Variants in UPRT observed in about 807,000 individuals in gnomAD.
UPRT encodes uracil phosphoribosyltransferase homolog, also known as RP11-311P8.3.
UPRT carries 5 observed loss-of-function variants against 22.6 expected under a neutral mutation model. The observed-to-expected ratio is 0.22, with a 90% CI of 0.12 to 0.47. The LOEUF (loss-of-function observed/expected upper bound fraction) is 0.47, where lower values mean the gene tolerates loss of function less well. Ranked by LOEUF, UPRT falls within the 20% of genes least tolerant of loss-of-function variation. UPRT has a pLI of 0.99. For synonymous variants in UPRT, 77 were observed against 87.7 expected (o/e 0.88, Z 0.68); for missense variants, 181 against 239.9 (o/e 0.75, Z 1.62).
intron 4 of UPRT, among the ~76,000 whole-genome samples, chrX:75,203,198 G>T (rs2082352140): frequency 9.0e-6 from 1 of 111,378 alleles, no homozygotes; most frequent in East Asian, 2.8e-4. Context: ...AAAAGACAAA[G>T]AAGGGCCTTA....
At chrX:75,286,361 A>G (rs1455020694) in intron 1 of UPRT, among the ~76,000 whole-genome samples, 1 of 110,391 alleles carries the variant, frequency 9.1e-6, no homozygotes, top group Non-Finnish European at 1.9e-5. Flanking sequence ...CCTATGCCCA[A>G]CTACAACACC....
chrX:75,184,485 T>G (rs2082282096), intron 4 of UPRT, among the ~76,000 whole-genome samples: 1 of 105,288 alleles, frequency 9.5e-6, no homozygotes, highest in Non-Finnish European at 2.0e-5. Context: ...TCTTTTGGCT[T>G]AGGATTGACT....
chrX:75,176,287 C>T (rs375671383), intron 4 of UPRT, among the ~76,000 whole-genome samples: 1 of 111,153 alleles, frequency 9.0e-6, no homozygotes, highest in Non-Finnish European at 1.9e-5. Context: ...GGAATTTGTC[C>T]CTTTCTTCAG....
intron 1 of UPRT, among the ~76,000 whole-genome samples, chrX:75,158,390 T>C (rs1177762526): frequency 8.9e-6 from 1 of 112,445 alleles, no homozygotes; most frequent in Non-Finnish European, 1.9e-5. Context: ...ATGTATGCAA[T>C]AATTAAATGT....
chrX:75,286,667 G>A (rs1357783651), intron 1 of UPRT, among the ~76,000 whole-genome samples: 1 of 111,960 alleles, frequency 8.9e-6, no homozygotes, highest in African/African-American at 3.2e-5. Flanking sequence ...CTCTTTCATT[G>A]TTTTGTGTTT....
At chrX:75,273,288 C>T (rs1213151771), upstream of UPRT, among the ~76,000 whole-genome samples, 1 of 108,901 alleles carries the variant, frequency 9.2e-6, no homozygotes, top group East Asian at 2.9e-4. Flanking sequence ...CAGAAGTTAA[C>T]CTATGTAACA....
intron 4 of UPRT, among the ~76,000 whole-genome samples, chrX:75,176,689 G>A (rs1009852960): frequency 1.8e-5 from 2 of 110,907 alleles, no homozygotes; most frequent in Non-Finnish European, 3.8e-5. Context: ...CAACAGGAAG[G>A]GGAGCTATAA....
At chrX:75,217,261 T>C (rs1377341851) in intron 4 of UPRT, among the ~76,000 whole-genome samples, 1 of 111,054 alleles carries the variant, frequency 9.0e-6, no homozygotes, top group African/African-American at 3.3e-5. Flanking sequence ...TTTGTTCTTT[T>C]GGTTTAGGAT....
intron 4 of UPRT, among the ~76,000 whole-genome samples, chrX:75,192,576 T>A (rs770354686): frequency 3.6e-5 from 4 of 111,716 alleles, no homozygotes; most frequent in Admixed American, 2.8e-4. Context: ...AGTCTCCCAC[T>A]ATTATTGTGT....
chrX:75,164,462 G>T (rs185552424), intron 3 of UPRT, among the ~76,000 whole-genome samples: 14 of 111,551 alleles, frequency 1.3e-4, no homozygotes, highest in African/African-American at 4.6e-4. Flanking sequence ...AAGGAATTAG[G>T]TGTTGATACA....
intron 4 of UPRT, among the ~76,000 whole-genome samples, chrX:75,233,431 G>A (rs1033446766): frequency 9.0e-6 from 1 of 110,841 alleles, no homozygotes; most frequent in Admixed American, 9.6e-5. Flanking sequence ...AGGAAATACA[G>A]AGAATGCCAC....
chrX:75,263,201 C>G (rs148451733), intron 4 of UPRT, among the ~76,000 whole-genome samples: 1,632 of 111,642 alleles, frequency 0.015, 26 homozygotes, highest in African/African-American at 0.05. Flanking sequence ...GTATCTCTGC[C>G]AGGCTTTGGT....
intron 4 of UPRT, among the ~76,000 whole-genome samples, chrX:75,206,934 G>A (rs2082368821): frequency 8.9e-6 from 1 of 112,571 alleles, no homozygotes; most frequent in South Asian, 3.7e-4. Context: ...AAAGTGTTGA[G>A]ATTACAGGCG....
chrX:75,282,853 C>G (rs1189979829), intron 1 of UPRT, among the ~76,000 whole-genome samples: 2 of 111,609 alleles, frequency 1.8e-5, no homozygotes, highest in Non-Finnish European at 3.8e-5. Context: ...GATGACCTGT[C>G]TAGTGCTGTC....
intron 4 of UPRT, among the ~76,000 whole-genome samples, chrX:75,234,418 G>A (rs1041719130): frequency 2.7e-5 from 3 of 111,115 alleles, no homozygotes; most frequent in Non-Finnish European, 5.7e-5. Flanking sequence ...ATTGAACTCA[G>A]CTCTGTACCA....
At chrX:75,258,222 C>CTTTTTTTTTTTTTCCTTTTTTCTTTCT (rs200771761) in intron 4 of UPRT, among the ~76,000 whole-genome samples, 1 of 68,483 alleles carries the variant, frequency 1.5e-5, no homozygotes, top group Admixed American at 1.7e-4. Context: ...TTTTTTCTTT[C>CTTTTTTTTTTTTTCCTTTTTTCTTTCT]TTTTTTTTTT....
At chrX:75,214,332 A>C in intron 4 of UPRT, among the ~76,000 whole-genome samples, 1 of 112,920 alleles carries the variant, frequency 8.9e-6, no homozygotes, top group African/African-American at 3.2e-5. Flanking sequence ...TTATGAAAGA[A>C]GGAAATCCTG....
At chrX:75,243,355 C>T (rs1476467217) in intron 4 of UPRT, among the ~76,000 whole-genome samples, 1 of 110,962 alleles carries the variant, frequency 9.0e-6, no homozygotes, top group Non-Finnish European at 1.9e-5. Flanking sequence ...ATAAAGAAAA[C>T]TGGATTTAGA....
intron 4 of UPRT, among the ~76,000 whole-genome samples, chrX:75,170,580 A>G (rs986174193): frequency 8.9e-6 from 1 of 111,734 alleles, no homozygotes; most frequent in Non-Finnish European, 1.9e-5. Context: ...TACATTCAAT[A>G]TTAGTATTGA....
Sources: gnomAD v4.1 joint callset for allele counts (sites outside exome capture counted in the v4.1 genomes callset) on GRCh38, gnomAD v4.1.1 for gene constraint, MANE v1.5 for transcripts, NCBI Gene and HGNC (gene_info 2026-07-23, HGNC 2026-07-21) for gene names.